USH1C: variants seen among roughly 807,000 people sequenced by gnomAD.
USH1C encodes the protein USH1 protein network component harmonin.
Under a neutral mutation model 119.3 loss-of-function variants are expected in USH1C, and 90 were observed. The observed-to-expected ratio is 0.75, with a 90% confidence interval of 0.64 to 0.90. The LOEUF (loss-of-function observed/expected upper bound fraction) is 0.90. Among genes scored for constraint, USH1C ranks in the 40% least tolerant of loss-of-function variants. USH1C has a pLI of 0.00. For missense variants in USH1C, 1,165 were observed against 1,167.7 expected (o/e 1.00, Z 0.03); for synonymous variants, 465 against 443.3 (o/e 1.05, Z -0.62).
At position 17,501,153 on chromosome 11, in the gene USH1C, G is replaced by A; in HGVS notation, c.2281-3C>T. On this transcript the variant is annotated splice_polypyrimidine_tract_variant and splice_region_variant and intron_variant, in intron 22 of 26. Transcript: ENST00000005226. ...AGGGCCAGGTCTAAGGATCCCTCCT[G>A]GTTAGAGGAAAACAGGCCTTAGGGA... 1 of 1,612,430 alleles carries A rather than the reference G, an allele frequency of 6.2e-7. No homozygotes were observed. The highest frequency in any genetic ancestry group is 8.5e-7 in the Non-Finnish European group (1 of 1,179,084).
In USH1C at chr11:17,521,005, A is replaced by G; in HGVS notation, c.1086-11T>C. ...TCCTCCTCTACAATCCTAAAATGAG[A>G]CCCCCATGCCTGTTACTGGAGTCAG... On this transcript the variant is annotated splice_polypyrimidine_tract_variant and intron_variant, in intron 13 of 26. Coordinates refer to ENST00000005226, the MANE Select transcript of USH1C (RefSeq NM_153676.4). 6.2e-7 allele frequency: 1 copy of G among 1,613,546 alleles called. No individual in the cohort carries two copies. Among genetic ancestry groups the G allele is most frequent in the Non-Finnish European group, 8.5e-7 (1 of 1,179,850 alleles).
intron 1 of USH1C, among the ~76,000 whole-genome samples, chr11:17,539,702 T>C (rs755859398): frequency 1.1e-4 from 17 of 152,164 alleles, no homozygotes; most frequent in Non-Finnish European, 2.4e-4. Flanking sequence ...CAGGCTTTAT[T>C]TGACTCTCAT....
rs776066773 is a variant in USH1C at position 17,496,764 on chromosome 11, T to C, written c.2540A>G (p.Asp847Gly). Reference sequence around the variant, plus strand: ...GGTGCTTGCACACACTTACAGCTCATCGTCATACTCCTTTGGGGGGCAGAC... The same window carrying C: ...GGTGCTTGCACACACTTACAGCTCACCGTCATACTCCTTTGGGGGGCAGAC... ...VAVCPPKEYD[D>G]ELASLPSSVA... Residue 847 changes from aspartate to glycine, a missense_variant, in exon 25 of 27, where the codon GAT becomes GGT. Transcript: ENST00000005226. 5.0e-6 allele frequency: 8 copies of C among 1,614,076 alleles called. No individual in the cohort carries two copies. In the African/African-American group the frequency reaches 5.3e-5, roughly 11 times the overall value.
chr11:17,495,064 T>C, intron 26 of USH1C: 1 of 228,158 alleles, frequency 4.4e-6, no homozygotes, highest in Middle Eastern at 1.8e-3. Flanking sequence ...AACCTCTTAA[T>C]AGCCCTGGTT....
At chr11:17,504,821 T>C in intron 19 of USH1C, 124 bp from the exon 20 acceptor site, 1 of 969,660 alleles carries the variant, frequency 1.0e-6, no homozygotes, top group Non-Finnish European at 1.6e-6. Flanking sequence ...CCCCGAGCAG[T>C]CTGGCTTACG....
chr11:17,513,808 C>T (rs1043795440), intron 15 of USH1C, among the ~76,000 whole-genome samples: 2 of 146,940 alleles, frequency 1.4e-5, no homozygotes, highest in African/African-American at 5.0e-5. Context: ...AATGGCCATT[C>T]TGTTGCTTAA....
chr11:17,509,498 G>A lies in USH1C; in HGVS notation c.1871C>T (p.Ser624Leu), dbSNP rs778700091. 11 of 1,612,748 alleles carry A rather than the reference G, an allele frequency of 6.8e-6. No individual in the cohort carries two copies. Among genetic ancestry groups the A allele is most frequent in the African/African-American group, 6.7e-5 (5 of 74,600 alleles). Residue 624 changes from serine (S) to leucine (L), a missense_variant, in exon 18 of 27, where the codon TCG (serine) becomes TTG (leucine). Physicochemically the swap from Ser to Leu is moderately radical, Grantham distance 145 (BLOSUM62 -2). Transcript: ENST00000005226. Reference protein sequence around the residue: ...QDLTPTRPLPSALEEALSNHP... With the variant: ...QDLTPTRPLPLALEEALSNHP... ...GTTGCTCAGTGCTTCTTCCAGCGCCGAGGGCAGTGGGCGGGTGGGAGTGAG... is the reference window on the plus strand; with the variant it reads ...GTTGCTCAGTGCTTCTTCCAGCGCCAAGGGCAGTGGGCGGGTGGGAGTGAG...
intron 14 of USH1C, 171 bp from the exon 15 acceptor site, chr11:17,516,461 T>C (rs1368582655): frequency 1.4e-6 from 1 of 701,930 alleles, no homozygotes; most frequent in Non-Finnish European, 2.5e-6. Flanking sequence ...TTACCTGGCC[T>C]TGCCTTGGTT....
chr11:17,535,379 C>T (rs1441944695), intron 1 of USH1C, among the ~76,000 whole-genome samples: 5 of 151,950 alleles, frequency 3.3e-5, no homozygotes, highest in African/African-American at 1.2e-4. Context: ...CTGGCCACCT[C>T]CTTTCCAGAG....
chr11:17,504,148 TGTGCACAGGA>T (rs749804475), intron 20 of USH1C, among the ~76,000 whole-genome samples: 4 of 152,184 alleles, frequency 2.6e-5, no homozygotes, highest in Non-Finnish European at 5.9e-5. Flanking sequence ...TCCACGTCCC[TGTGCACAGGA>T]GTGCCCTAGG....
At chr11:17,502,070 A>C (rs1849468506) in intron 20 of USH1C, 90 bp from the exon 21 acceptor site, 1 of 1,394,294 alleles carries the variant, frequency 7.2e-7, no homozygotes. Flanking sequence ...TCGGAATCCA[A>C]GGGTCAGAAG....
chr11:17,522,484 C>T (rs1200733373), intron 12 of USH1C, among the ~76,000 whole-genome samples: 1 of 152,202 alleles, frequency 6.6e-6, no homozygotes. Flanking sequence ...AGGTACTTGA[C>T]AAATGTTAGC....
At chr11:17,523,779 T>C (rs1850534038) in intron 9 of USH1C, among the ~76,000 whole-genome samples, 1 of 152,266 alleles carries the variant, frequency 6.6e-6, no homozygotes, top group Non-Finnish European at 1.5e-5. Context: ...AGTTTGCAGA[T>C]GCGGGAACCT....
chr11:17,522,645 A>C, intron 12 of USH1C, 139 bp downstream of exon 12: 12 of 1,318,958 alleles, frequency 9.1e-6, no homozygotes, highest in Non-Finnish European at 1.3e-5. Context: ...ACCTACCACC[A>C]AACTCATCTG....
intron 24 of USH1C, 99 bp from the exon 25 acceptor site, chr11:17,496,912 A>G: frequency 2.8e-6 from 4 of 1,442,392 alleles, no homozygotes; most frequent in Non-Finnish European, 2.9e-6. Flanking sequence ...GCCTAGGATC[A>G]GCCAGGCTGC....
intron 9 of USH1C, 133 bp downstream of exon 9, chr11:17,524,318 G>T: frequency 1.1e-6 from 1 of 949,476 alleles, no homozygotes; most frequent in Non-Finnish European, 1.6e-6. Flanking sequence ...CTGCAGGGTG[G>T]GTAGGGCTCC....
rs1402010987 is a variant in USH1C, at chr11:17,531,170, T to C, written c.371A>G (p.Asp124Gly). 1.9e-6 allele frequency: 3 copies of C among 1,614,094 alleles called. No individual in the cohort carries two copies. Among genetic ancestry groups the C allele is most frequent in the Non-Finnish European group, 2.5e-6 (3 of 1,180,028 alleles). ...ISHLIKGGQADSVGLQVGDEI... is the reference protein window; with the variant it reads ...ISHLIKGGQAGSVGLQVGDEI... ...TTTGCTCACCTGGAGCCCGACGCTG[T>C]CTGCCTGACCGCCTTTGATGAGGTG... is the stretch of plus-strand genomic sequence containing the variant. Residue 124 changes from aspartate to glycine, a missense_variant, in exon 4 of 27, where the codon GAC becomes GGC. Physicochemically the swap from Asp to Gly is moderately conservative, Grantham distance 94 (BLOSUM62 -1). Transcript: ENST00000005226. This position sits in a 1 kb window ranked among gnomAD's most constrained non-coding sequence, Gnocchi z 4.2.
chr11:17,509,674 G>T lies in USH1C; in HGVS notation c.1695C>A (p.Pro565=), dbSNP rs777479559. Residue 565 remains proline, a synonymous_variant, in exon 18 of 27, where the codon CCC becomes CCA. Transcript: ENST00000005226. ...PKTPSALPVM[P]HPPPSNPPHK... is the part of the protein sequence containing the mutation. The stretch of plus-strand genomic sequence containing the variant: ...GGGGTGGGTTGGAGGGTGGAGGGTG[G>T]GGCATCACAGGCAAGGCAGAGGGAG... 9 of 1,595,916 alleles carry T rather than the reference G, an allele frequency of 5.6e-6. No individual in the cohort carries two copies. Among genetic ancestry groups the T allele is most frequent in the African/African-American group, 1.3e-5 (1 of 74,748 alleles).
At chr11:17,527,693 G>A (rs1289914483) in intron 4 of USH1C, among the ~76,000 whole-genome samples, 1 of 152,174 alleles carries the variant, frequency 6.6e-6, no homozygotes, top group African/African-American at 2.4e-5. Flanking sequence ...TATGCAAAGG[G>A]TGACATTTCA....
Sources: allele counts gnomAD v4.1 joint callset (sites outside exome capture counted in the v4.1 genomes callset), GRCh38; gene constraint gnomAD v4.1.1; non-coding constraint Gnocchi (gnomAD v3.1); transcripts MANE v1.5; gene names NCBI Gene and HGNC (gene_info 2026-07-23, HGNC 2026-07-21).